CYB5R4: variants seen among roughly 807,000 people sequenced by gnomAD.
The protein encoded by CYB5R4 is cytochrome b5 reductase 4, also known as N-terminal cytochrome b5 and cytochrome b5 oxidoreductase domain-containing protein.
Under a neutral mutation model 70.2 loss-of-function variants are expected in CYB5R4, and 55 were observed. The observed-to-expected ratio is 0.78, with a 90% confidence interval of 0.63 to 0.98. CYB5R4 has a LOEUF of 0.98. CYB5R4 is among the 50% of genes least tolerant of loss of function. The pLI is 0.00. For missense variants in CYB5R4, 562 were observed against 612.6 expected, an observed-to-expected ratio of 0.92 and a Z score of 0.87; for synonymous variants, 197 against 199.5, an observed-to-expected ratio of 0.99 and a Z score of 0.11.
intron 2 of CYB5R4, among the ~76,000 whole-genome samples, chr6:83,888,897 A>G (rs1305314637): frequency 3.3e-5 from 5 of 152,250 alleles, no homozygotes; most frequent in African/African-American, 1.2e-4. Context: ...CCCAGTAAGC[A>G]TACGAATGAT....
chr6:83,913,966 A>G lies in CYB5R4; in HGVS notation c.413-450A>G, dbSNP rs370828353. ...ATATTTTAAACTTGTAATAACGATC[A>G]TTTTATGCATTGAACTCAGTAAAAG... On this transcript the variant is annotated intron_variant, in intron 4 of 15. Coordinates refer to ENST00000369681, the MANE Select transcript of CYB5R4 (RefSeq NM_016230.4). Among the ~76,000 whole-genome samples, 4 of 152,270 alleles carry G rather than the reference A, an allele frequency of 2.6e-5. No individual in the cohort carries two copies. The East Asian group carries it at 5.8e-4, about 22-fold the overall frequency.
At chr6:83,869,819 G>A (rs1452808148) in intron 2 of CYB5R4, among the ~76,000 whole-genome samples, 6 of 149,574 alleles carry the variant, frequency 4.0e-5, no homozygotes, top group South Asian at 2.1e-4. Context: ...GCATAACTTC[G>A]TCTCAAAAAA....
intron 2 of CYB5R4, among the ~76,000 whole-genome samples, chr6:83,886,882 C>T (rs541146903): frequency 3.6e-4 from 55 of 152,272 alleles, no homozygotes; most frequent in African/African-American, 1.3e-3. Context: ...ATTAAATGCT[C>T]ACAGTAACGC....
chr6:83,957,622 C>CAAAAA (rs34196225), intron 15 of CYB5R4, among the ~76,000 whole-genome samples: 17 of 66,898 alleles, frequency 2.5e-4, no homozygotes, highest in African/African-American at 5.3e-4. Context: ...AACTCTGTCT[C>CAAAAA]AAAAAAAAAA....
At chr6:83,915,329 C>A (rs958793460) in intron 5 of CYB5R4, among the ~76,000 whole-genome samples, 1 of 152,140 alleles carries the variant, frequency 6.6e-6, no homozygotes, top group African/African-American at 2.4e-5. Context: ...AGCTAGATTG[C>A]CAGATGAGTT....
At chr6:83,927,069 G>T (rs749835336) in intron 10 of CYB5R4, among the ~76,000 whole-genome samples, 4 of 151,980 alleles carry the variant, frequency 2.6e-5, no homozygotes, top group Non-Finnish European at 5.9e-5. Flanking sequence ...TCTGATTTCC[G>T]TTCTTCCTGT....
intron 7 of CYB5R4, 82 bp from the exon 8 acceptor site, chr6:83,921,000 C>T (rs2099466290): frequency 9.6e-7 from 1 of 1,042,484 alleles, no homozygotes; most frequent in East Asian, 3.3e-5. Flanking sequence ...TGAAGTACCG[C>T]AGATCACCTT....
intron 14 of CYB5R4, among the ~76,000 whole-genome samples, chr6:83,947,353 TATGC>T (rs2099470780): frequency 1.3e-5 from 2 of 152,114 alleles, no homozygotes. Flanking sequence ...TCACTAGCCA[TATGC>T]ACAAAACTAA....
chr6:83,870,154 A>G (rs1235350539), intron 2 of CYB5R4, among the ~76,000 whole-genome samples: 1 of 152,220 alleles, frequency 6.6e-6, no homozygotes. Context: ...TTATAGGCTC[A>G]TAGGAACCCA....
intron 3 of CYB5R4, among the ~76,000 whole-genome samples, chr6:83,896,982 C>T (rs1014490548): frequency 6.6e-5 from 10 of 151,550 alleles, no homozygotes; most frequent in Admixed American, 1.3e-4. Flanking sequence ...CATATGTATA[C>T]GTGTGCCATT....
chr6:83,869,729 A>C (rs1025032430), intron 2 of CYB5R4, among the ~76,000 whole-genome samples: 1 of 152,078 alleles, frequency 6.6e-6, no homozygotes, highest in Non-Finnish European at 1.5e-5. Flanking sequence ...AGGCTGAAGC[A>C]GGAGAATTGC....
intron 14 of CYB5R4, among the ~76,000 whole-genome samples, chr6:83,948,327 T>C (rs1393896389): frequency 1.3e-5 from 2 of 151,946 alleles, no homozygotes; most frequent in Non-Finnish European, 2.9e-5. Flanking sequence ...TGAGAACATA[T>C]GGGCACAGGA....
At chr6:83,922,496 T>C (rs911365744) in intron 9 of CYB5R4, 26 bp downstream of exon 9, 5 of 1,577,198 alleles carry the variant, frequency 3.2e-6, no homozygotes, top group African/African-American at 1.4e-5. Flanking sequence ...CCAAAAATTA[T>C]GTATGTACGT....
At chr6:83,902,544 T>C (rs762611261) in intron 3 of CYB5R4, among the ~76,000 whole-genome samples, 11 of 152,170 alleles carry the variant, frequency 7.2e-5, no homozygotes, top group Non-Finnish European at 1.3e-4. Context: ...TTGTTTTTTC[T>C]ATTTCTGTGA....
At chr6:83,944,614 T>C (rs1203717959) in intron 14 of CYB5R4, among the ~76,000 whole-genome samples, 2 of 152,160 alleles carry the variant, frequency 1.3e-5, no homozygotes, top group Non-Finnish European at 2.9e-5. Context: ...ACGGGCTAAA[T>C]GCCCCAGTGA....
chr6:83,866,008 GCTGCAAGTAA>G (rs2099456674), intron 2 of CYB5R4, among the ~76,000 whole-genome samples: 1 of 152,114 alleles, frequency 6.6e-6, no homozygotes, highest in Non-Finnish European at 1.5e-5. Context: ...CTGTTTACCA[GCTGCAAGTAA>G]CTGGTACAAA....
chr6:83,940,198 C>G lies in CYB5R4; in HGVS notation c.1251C>G (p.Pro417=), dbSNP rs773500989. 6.2e-7 allele frequency: 1 copy of G among 1,603,462 alleles called. No homozygotes were observed. The highest frequency in any genetic ancestry group is 1.3e-5 in the African/African-American group (1 of 74,358). ...TGAATTATGCTTTGACTGATATACC[C>G]AGTCTCAGGTATGTAATTTTGTCTC... The part of the protein sequence containing the change: ...KILNYALTDI[P]SLRKVKLMFF... The change falls in exon 13 of 16, where the codon CCC becomes CCG. Residue 417 remains proline, a synonymous_variant. Coordinates refer to ENST00000369681, the MANE Select transcript of CYB5R4 (RefSeq NM_016230.4).
chr6:83,935,687 C>A (rs190331301), intron 11 of CYB5R4, among the ~76,000 whole-genome samples: 264 of 152,146 alleles, frequency 1.7e-3, no homozygotes, highest in Non-Finnish European at 3.3e-3. Flanking sequence ...GATTAACATT[C>A]TTTTTATTCA....
rs778915993 is a variant in CYB5R4, at chr6:83,940,107, T to A, written c.1160T>A (p.Phe387Tyr). 7 of 1,612,286 alleles carry A rather than the reference T, an allele frequency of 4.3e-6. No individual in the cohort carries two copies. Among genetic ancestry groups the A allele is most frequent in the Non-Finnish European group, 5.9e-6 (7 of 1,178,910 alleles). Residue 387 changes from phenylalanine (F) to tyrosine (Y), a missense_variant, in exon 13 of 16, where the codon TTC (phenylalanine) becomes TAC (tyrosine). Physicochemically the swap from Phe to Tyr is conservative, Grantham distance 22. Coordinates refer to ENST00000369681, the MANE Select transcript of CYB5R4 (RefSeq NM_016230.4). ...GAGGGCAATTTTAAAATATCCAAGT[T>A]CCAAGAATTAGAAGATCTCTTTTTG... Reference protein sequence around the residue: ...SPEGNFKISKFQELEDLFLLA... With the variant: ...SPEGNFKISKYQELEDLFLLA...
Sources: gnomAD v4.1 joint callset for allele counts (sites outside exome capture counted in the v4.1 genomes callset) on GRCh38, gnomAD v4.1.1 for gene constraint, MANE v1.5 for transcripts, NCBI Gene and HGNC (gene_info 2026-07-23, HGNC 2026-07-21) for gene names.